Variants in PABPC4 observed in about 807,000 individuals in gnomAD.
PABPC4 encodes the protein poly(A) binding protein cytoplasmic 4, also known as polyadenylate-binding protein 4.
In PABPC4, 15 loss-of-function variants were observed where a neutral mutation model predicts 74.5. The ratio of observed to expected loss-of-function variants is 0.20; its 90% CI spans 0.13 to 0.31. The LOEUF (loss-of-function observed/expected upper bound fraction) is 0.31. PABPC4 is among the 10% of genes least tolerant of loss of function. The probability of loss-of-function intolerance (pLI) is 1.00; values close to 1 mark genes in which losing one functional copy is unlikely to be tolerated. For synonymous variants in PABPC4, 345 were observed against 303.0 expected, an observed-to-expected ratio of 1.14 and a Z score of -1.44; for missense variants, 610 against 853.5, an observed-to-expected ratio of 0.71 and a Z score of 3.55.
intron 2 of PABPC4, 66 bp from the exon 3 acceptor site, chr1:39,571,415 G>GTATC: frequency 1.3e-6 from 2 of 1,587,258 alleles, no homozygotes; most frequent in Admixed American, 3.4e-5. Flanking sequence ...GAACCTCAGG[G>GTATC]TATCTTGTGC....
Position 39,575,747 on chromosome 1 carries a change from G to C in PABPC4, c.193+12C>G, listed in dbSNP as rs74069364. On this transcript the variant is annotated intron_variant, in intron 1 of 15. Transcript: ENST00000372858. Reference sequence around the variant, plus strand: ...GGGCTCCCACGCACGTGTGGGCACAGCTTCTACTCACCGTCGGCCGGCTGC... The same window carrying C: ...GGGCTCCCACGCACGTGTGGGCACACCTTCTACTCACCGTCGGCCGGCTGC... 1.9e-6 allele frequency: 3 copies of C among 1,579,288 alleles called. No homozygotes were observed. In the African/African-American group the frequency reaches 4.1e-5, roughly 22 times the overall value.
At chr1:39,571,202 C>T (rs1274590912) in intron 3 of PABPC4, 32 bp downstream of exon 3, 1 of 1,613,326 alleles carries the variant, frequency 6.2e-7, no homozygotes, top group Non-Finnish European at 8.5e-7. Context: ...CTGGCTCATG[C>T]GATGGTTGTT....
chr1:39,575,568 G>T (rs1278144242), intron 1 of PABPC4, among the ~76,000 whole-genome samples, 191 bp downstream of exon 1: 1 of 152,206 alleles, frequency 6.6e-6, no homozygotes, highest in East Asian at 1.9e-4. Flanking sequence ...CAGTTAGCAA[G>T]TGGTAGAAAC....
chr1:39,571,111 A>G, intron 3 of PABPC4, 123 bp downstream of exon 3: 1 of 1,556,898 alleles, frequency 6.4e-7, no homozygotes, highest in Non-Finnish European at 8.7e-7. Flanking sequence ...CCTGGAGTGG[A>G]GAGGTAGGAG....
chr1:39,574,966 C>T (rs1056373497), intron 1 of PABPC4, among the ~76,000 whole-genome samples: 1 of 152,244 alleles, frequency 6.6e-6, no homozygotes, highest in Non-Finnish European at 1.5e-5. Context: ...TGCATTCGTT[C>T]TCCTTCTCAG....
intron 7 of PABPC4, among the ~76,000 whole-genome samples, chr1:39,565,953 T>C (rs1358126193): frequency 2.6e-5 from 4 of 152,156 alleles, no homozygotes; most frequent in African/African-American, 4.8e-5. Context: ...GAGGGAACTA[T>C]TCAGAAGAAC....
intron 7 of PABPC4, chr1:39,567,498 G>A (rs1471626946): frequency 4.9e-6 from 3 of 611,990 alleles, no homozygotes; most frequent in South Asian, 4.1e-5. Context: ...GAATGGGAAA[G>A]ATTCAGGTGC....
rs778466304 is a variant in PABPC4 at position 39,564,518 on chromosome 1, A to G, written c.1358T>C (p.Ile453Thr). The stretch of plus-strand genomic sequence containing the variant: ...AGTTGGACGAGGCCCAGACTGGCGT[A>G]TAGCACTTGGCATTCCTTGGAAGCC... ...PQGFQGMPSA[I>T]RQSGPRPTLR... The change falls in exon 10 of 16, where the codon ATA (isoleucine) becomes ACA (threonine). Residue 453 changes from isoleucine (I) to threonine (T), a missense_variant. Coordinates refer to ENST00000372858, the MANE Select transcript of PABPC4 (RefSeq NM_001135653.2). 1 of 1,614,226 alleles carries G rather than the reference A, an allele frequency of 6.2e-7. No homozygotes were observed. Among genetic ancestry groups the G allele is most frequent in the Non-Finnish European group, 8.5e-7 (1 of 1,180,018 alleles).
chr1:39,567,872 T>C (rs773594247), intron 6 of PABPC4, 26 bp from the exon 7 acceptor site: 4 of 1,238,428 alleles, frequency 3.2e-6, no homozygotes, highest in African/African-American at 1.5e-5. Flanking sequence ...CACTGTTAAC[T>C]ACACTTCTAT....
At chr1:39,562,014 T>G in intron 14 of PABPC4, 59 bp downstream of exon 14, 1 of 1,580,584 alleles carries the variant, frequency 6.3e-7, no homozygotes, top group Non-Finnish European at 8.6e-7. Context: ...GGCATCCAAG[T>G]TTGCCCCCAG....
chr1:39,566,590 C>G (rs1645847057), intron 7 of PABPC4, among the ~76,000 whole-genome samples: 1 of 152,202 alleles, frequency 6.6e-6, no homozygotes, highest in African/African-American at 2.4e-5. Context: ...TAGTTAATGG[C>G]CCAGAGAGCC....
intron 7 of PABPC4, among the ~76,000 whole-genome samples, chr1:39,565,930 G>A (rs1645831940): frequency 6.6e-6 from 1 of 152,114 alleles, no homozygotes; most frequent in South Asian, 2.1e-4. Context: ...AAAAAAGGAT[G>A]TCCCTGGGTG....
chr1:39,561,904 G>A, intron 14 of PABPC4, 117 bp from the exon 15 acceptor site: 2 of 1,170,732 alleles, frequency 1.7e-6, no homozygotes, highest in Non-Finnish European at 2.5e-6. Flanking sequence ...GGCTTCTGGT[G>A]CTAACTACTT....
rs1646019026 is a variant in PABPC4 at position 39,575,913 on chromosome 1, C to T, written c.39G>A (p.Leu13=). ...CGTCCGAATGCAGGTCGCCCACGTA[C>T]AGGGAGGCCATGGGGTAGCTGCTGG... is the stretch of plus-strand genomic sequence containing the variant. ...AAASSYPMAS[L]YVGDLHSDVT... Residue 13 remains leucine (L), a synonymous_variant, in exon 1 of 16, where the codon CTG becomes CTA. Coordinates refer to ENST00000372858, the MANE Select transcript of PABPC4 (RefSeq NM_001135653.2). 1 of 1,609,116 alleles carries T rather than the reference C, an allele frequency of 6.2e-7. No homozygotes were observed.
chr1:39,565,011 T>C, intron 8 of PABPC4, 95 bp downstream of exon 8: 1 of 1,350,508 alleles, frequency 7.4e-7, no homozygotes, highest in Non-Finnish European at 1.0e-6. Context: ...TGTGACATTC[T>C]AGAACTCTAA....
At position 39,576,293 on chromosome 1, in the gene PABPC4, C is replaced by T; in HGVS notation, c.-342G>A. The T allele has an allele frequency of 4.7e-6, 1 of 211,976 alleles. No individual in the cohort carries two copies. Among genetic ancestry groups the T allele is most frequent in the Non-Finnish European group, 9.3e-6 (1 of 107,356 alleles). The allele number at this position is 211,976 out of a possible 1,614,324, so 13.1% of individuals were successfully genotyped here. ...AATCCCCTTCCGAAGGGTAAAAATC[C>T]TTTAAGAGGCGACCGGACGCTGCCC... On this transcript the variant is annotated 5_prime_UTR_variant, in exon 1 of 16. Coordinates refer to ENST00000372858, the MANE Select transcript of PABPC4 (RefSeq NM_001135653.2).
chr1:39,571,055 G>A (rs1645932960), intron 3 of PABPC4, 179 bp downstream of exon 3: 1 of 1,482,854 alleles, frequency 6.7e-7, no homozygotes, highest in African/African-American at 1.4e-5. Context: ...GCCCACCTTG[G>A]CGAGTCAAAA....
At chr1:39,568,114 A>G (rs1232531009) in intron 6 of PABPC4, 3 of 286,748 alleles carry the variant, frequency 1.0e-5, no homozygotes, top group Non-Finnish European at 2.0e-5. Context: ...AAAATTAGCC[A>G]GGCATGGTGG....
chr1:39,565,810 A>ACT (rs1400180804), intron 7 of PABPC4, among the ~76,000 whole-genome samples: 1 of 151,836 alleles, frequency 6.6e-6, no homozygotes, highest in Non-Finnish European at 1.5e-5. Flanking sequence ...CCTGGGCGAC[A>ACT]GAGCGAGACT....
Sources: allele counts gnomAD v4.1 joint callset (sites outside exome capture counted in the v4.1 genomes callset), GRCh38; gene constraint gnomAD v4.1.1; transcripts MANE v1.5; gene names NCBI Gene and HGNC (gene_info 2026-07-23, HGNC 2026-07-21).